PCTP: variants seen among roughly 807,000 people sequenced by gnomAD.
PCTP encodes the protein phosphatidylcholine transfer protein, also known as START domain-containing protein 2.
A neutral mutation model predicts 31.0 loss-of-function variants in PCTP; 27 were observed. The ratio of observed to expected loss-of-function variants is 0.87; its 90% CI spans 0.64 to 1.20. The LOEUF is 1.20. PCTP is among the 50% of genes most tolerant of loss of function. PCTP has a pLI of 0.00. For synonymous variants in PCTP, 108 were observed against 101.2 expected (o/e 1.07, Z -0.40); for missense variants, 287 against 268.2 (o/e 1.07, Z -0.49).
intron 3 of PCTP, among the ~76,000 whole-genome samples, chr17:55,818,194 C>G (rs568992708): frequency 6.6e-6 from 1 of 152,290 alleles, no homozygotes; most frequent in Admixed American, 6.5e-5. Flanking sequence ...AGGGAAAAAG[C>G]ACAGAAACGG....
At chr17:55,801,487 A>G (rs529975089) in intron 3 of PCTP, among the ~76,000 whole-genome samples, 416 of 152,308 alleles carry the variant, frequency 2.7e-3, no homozygotes, top group Non-Finnish European at 4.3e-3. Flanking sequence ...CAGCAAATGT[A>G]AAAGAACGGA....
At position 55,751,194 on chromosome 17, in the gene PCTP, C is replaced by G. The variant is rs1909678144; in HGVS notation, c.91C>G (p.Gln31Glu). The change falls in exon 1 of 6, where the codon CAG becomes GAG. Residue 31 changes from glutamine (Q) to glutamate (E), a missense_variant. Gln to Glu is a conservative substitution (Grantham distance 29, BLOSUM62 2). Coordinates refer to ENST00000268896, the MANE Select transcript of PCTP (RefSeq NM_021213.4). ...GCCCGCTCTGGCCGGGGCCGACTGG[C>G]AGCTCCTAGTGGAGACCTCGGGCAT... is the stretch of plus-strand genomic sequence containing the variant. ...QQPALAGADW[Q>E]LLVETSGISI... The G allele has an allele frequency of 1.9e-6, 3 of 1,548,810 alleles. No individual in the cohort carries two copies. Among genetic ancestry groups the G allele is most frequent in the Non-Finnish European group, 2.6e-6 (3 of 1,146,250 alleles).
Position 55,798,082 on chromosome 17 carries a change from G to A in PCTP, c.317+10428G>A, listed in dbSNP as rs375429398. The stretch of plus-strand genomic sequence containing the variant: ...CTCATAGACCTGAAAAAATAAAACT[G>A]AAGTTAAGAACTCATTATATGAGCC... On this transcript the variant is annotated intron_variant, in intron 3 of 3. Coordinates refer to the PCTP transcript ENST00000572536. Among the ~76,000 whole-genome samples the A allele has an allele frequency of 3.3e-5, 5 of 151,912 alleles. No homozygotes were observed. The South Asian group carries it at 8.3e-4, about 25-fold the overall frequency.
At chr17:55,797,200 A>G (rs1189016980) in intron 3 of PCTP, among the ~76,000 whole-genome samples, 1 of 152,074 alleles carries the variant, frequency 6.6e-6, no homozygotes, top group South Asian at 2.1e-4. Flanking sequence ...CTGAGCAGCT[A>G]TCCTGCAGAG....
chr17:55,823,742 T>G (rs898316344), downstream of PCTP, among the ~76,000 whole-genome samples: 6 of 152,192 alleles, frequency 3.9e-5, no homozygotes, highest in African/African-American at 7.2e-5. Flanking sequence ...ATGTGGCAAC[T>G]GTTTTGGACA....
chr17:55,780,700 A>G (rs1911534299), downstream of PCTP, among the ~76,000 whole-genome samples: 1 of 152,226 alleles, frequency 6.6e-6, no homozygotes, highest in South Asian at 2.1e-4. Flanking sequence ...TTGCAAAGTC[A>G]GTGCATTTTA....
chr17:55,756,765 G>A (rs2144911152), intron 1 of PCTP, among the ~76,000 whole-genome samples: 1 of 151,504 alleles, frequency 6.6e-6, no homozygotes, highest in Non-Finnish European at 1.5e-5. Flanking sequence ...ATATATTTAG[G>A]CTTCTCAGGA....
At chr17:55,827,258 C>G (rs1417047275), downstream of PCTP, among the ~76,000 whole-genome samples, 1 of 152,134 alleles carries the variant, frequency 6.6e-6, no homozygotes, top group African/African-American at 2.4e-5. Flanking sequence ...CATTTAGAAT[C>G]CTGCTCAGCC....
chr17:55,812,406 G>C (rs990355365), intron 3 of PCTP, among the ~76,000 whole-genome samples: 1 of 152,174 alleles, frequency 6.6e-6, no homozygotes. Flanking sequence ...CGTTAAGCAG[G>C]TTAGCAAATG....
intron 1 of PCTP, among the ~76,000 whole-genome samples, chr17:55,754,755 AG>A (rs1260116217): frequency 6.6e-6 from 1 of 152,142 alleles, no homozygotes; most frequent in Non-Finnish European, 1.5e-5. Context: ...TCAACTCCTG[AG>A]GCCTAAAGTG....
Position 55,776,815 on chromosome 17 carries a change from A to G in PCTP, c.*715A>G. ...ATTTTTCCTCATCATCCATGAGGAA[A>G]TGGATGATTTCTCTTTTCCATATGT... On this transcript the variant is annotated 3_prime_UTR_variant, in exon 6 of 6. Coordinates refer to ENST00000268896, the MANE Select transcript of PCTP (RefSeq NM_021213.4). The G allele has an allele frequency of 9.6e-7, 1 of 1,037,454 alleles. No homozygotes were observed. Among genetic ancestry groups the G allele is most frequent in the African/African-American group, 1.7e-5 (1 of 59,494 alleles). The allele number at this position is 1,037,454 out of a possible 1,614,324, so 64.3% of individuals were successfully genotyped here.
intron 2 of PCTP, among the ~76,000 whole-genome samples, chr17:55,787,409 G>A (rs879927895): frequency 1.3e-5 from 2 of 151,514 alleles, no homozygotes; most frequent in Non-Finnish European, 2.9e-5. Flanking sequence ...GCTGGAGTGC[G>A]GTGGCATGAA....
chr17:55,800,012 C>G (rs555946538), intron 3 of PCTP, among the ~76,000 whole-genome samples: 1 of 152,184 alleles, frequency 6.6e-6, no homozygotes, highest in South Asian at 2.1e-4. Flanking sequence ...AACATTTTTT[C>G]CTTCATTTCA....
At chr17:55,823,013 A>G (rs1598018095) in exon 4 of PCTP, 1 of 379,046 alleles carries the variant, frequency 2.6e-6, no homozygotes, top group East Asian at 3.9e-5. Context: ...TGAAATTCAC[A>G]TATTATTCAC....
intron 3 of PCTP, among the ~76,000 whole-genome samples, chr17:55,791,999 C>T (rs1338076073): frequency 2.0e-5 from 3 of 151,540 alleles, no homozygotes; most frequent in East Asian, 3.9e-4. Flanking sequence ...AGTTCATGTC[C>T]TTTGTAGGGA....
At chr17:55,833,100 C>T (rs1406994134) in intron 5 of PCTP, among the ~76,000 whole-genome samples, 2 of 152,090 alleles carry the variant, frequency 1.3e-5, no homozygotes, top group African/African-American at 2.4e-5. Context: ...TGAATGTGTT[C>T]GCTTAGGAAA....
intron 5 of PCTP, among the ~76,000 whole-genome samples, chr17:55,838,449 C>G (rs1905847590): frequency 6.6e-6 from 1 of 152,140 alleles, no homozygotes; most frequent in Non-Finnish European, 1.5e-5. Context: ...CTTCCCTGAC[C>G]AGGTCAAATT....
intron 3 of PCTP, among the ~76,000 whole-genome samples, chr17:55,815,876 A>T (rs1007269897): frequency 6.6e-6 from 1 of 152,178 alleles, no homozygotes; most frequent in Non-Finnish European, 1.5e-5. Context: ...TCAGAGACCT[A>T]AACAAGACCT....
At chr17:55,774,887 GA>G in intron 5 of PCTP, 28 bp downstream of exon 5, 3 of 542,018 alleles carry the variant, frequency 5.5e-6, no homozygotes, top group East Asian at 4.9e-5. Flanking sequence ...GGGGCGGGGG[GA>G]GGGATGGGGG....
Sources: gnomAD v4.1 joint callset for allele counts (sites outside exome capture counted in the v4.1 genomes callset) on GRCh38, gnomAD v4.1.1 for gene constraint, MANE v1.5 for transcripts, NCBI Gene and HGNC (gene_info 2026-07-23, HGNC 2026-07-21) for gene names.